Variants in ATP1B3 observed in about 807,000 individuals in gnomAD.
ATP1B3 encodes sodium/potassium-transporting ATPase subunit beta-3.
ATP1B3 carries 10 observed loss-of-function variants against 30.2 expected under a neutral mutation model. The ratio of observed to expected loss-of-function variants is 0.33; its 90% CI spans 0.20 to 0.56. The LOEUF is 0.56. Among genes scored for constraint, ATP1B3 ranks in the 20% least tolerant of loss-of-function variants. The pLI, the probability that ATP1B3 is intolerant of heterozygous loss-of-function variation, is 0.90. For missense variants in ATP1B3, 238 were observed against 336.7 expected, an observed-to-expected ratio of 0.71 and a Z score of 2.29; for synonymous variants, 113 against 117.0, an observed-to-expected ratio of 0.97 and a Z score of 0.22.
In ATP1B3 at chr3:141,889,196, C is replaced by G. The variant is rs965329217; in HGVS notation, c.109+12286C>G. Among the ~76,000 whole-genome samples the G allele has an allele frequency of 1.1e-4, 17 of 152,188 alleles. No homozygotes were observed. The East Asian group carries it at 3.1e-3, about 28-fold the overall frequency. ...ATGATTCAGTCACCTCCCACCAGGC[C>G]CCTCCCCCAGCATGTGGGGATTACA... On this transcript the variant is annotated intron_variant, in intron 1 of 6. Transcript: ENST00000286371.
chr3:141,918,206 A>G (rs1382009073), intron 5 of ATP1B3: 1 of 152,158 alleles, frequency 6.6e-6, no homozygotes, highest in African/African-American at 2.4e-5. Flanking sequence ...CTTGCTCACA[A>G]AGCTTTCTGG....
chr3:141,882,437 T>C (rs1262825204), intron 1 of ATP1B3, among the ~76,000 whole-genome samples: 1 of 152,202 alleles, frequency 6.6e-6, no homozygotes, highest in African/African-American at 2.4e-5. Flanking sequence ...TCTGCCTTTT[T>C]CCTAAATGTT....
intron 2 of ATP1B3, 93 bp downstream of exon 2, chr3:141,903,841 G>A (rs1274204006): frequency 6.9e-7 from 1 of 1,445,634 alleles, no homozygotes; most frequent in Non-Finnish European, 9.4e-7. Context: ...GAATGCAGTG[G>A]CATGATCTTG....
chr3:141,922,229 A>G, intron 6 of ATP1B3, 166 bp downstream of exon 6: 1 of 503,962 alleles, frequency 2.0e-6, no homozygotes, highest in Middle Eastern at 2.9e-4. Context: ...GAGTTCCCAC[A>G]TTTACAATTC....
At chr3:141,894,892 C>T in intron 1 of ATP1B3, among the ~76,000 whole-genome samples, 1 of 152,086 alleles carries the variant, frequency 6.6e-6, no homozygotes. Context: ...AAGTATTATG[C>T]ATTGTACACA....
Position 141,924,377 on chromosome 3 carries a change from G to A in ATP1B3, c.670-1154G>A, listed in dbSNP as rs189111820. Among the ~76,000 whole-genome samples the A allele has an allele frequency of 5.2e-3, 779 of 149,516 alleles. 9 individuals carry two copies. The highest frequency in any genetic ancestry group is 0.018 in the African/African-American group (748 of 40,758). On this transcript the variant is annotated intron_variant, in intron 6 of 6. Coordinates refer to ENST00000286371, the MANE Select transcript of ATP1B3 (RefSeq NM_001679.4). ...AAAAAGGCCAGGTGCAGTGGCTCACGCCTGTAATCCCAGCACTTTGGGAGG... is the reference window on the plus strand; with the variant it reads ...AAAAAGGCCAGGTGCAGTGGCTCACACCTGTAATCCCAGCACTTTGGGAGG...
At chr3:141,922,597 G>A (rs1934584271) in intron 6 of ATP1B3, among the ~76,000 whole-genome samples, 2 of 151,528 alleles carry the variant, frequency 1.3e-5, no homozygotes, top group African/African-American at 4.9e-5. Flanking sequence ...AGGTTGCAGT[G>A]AGCCAAGATT....
intron 5 of ATP1B3, chr3:141,916,334 T>C (rs1934463286): frequency 2.1e-6 from 1 of 475,894 alleles, no homozygotes; most frequent in African/African-American, 2.0e-5. Flanking sequence ...TAATTGATGG[T>C]GTCTTAATAC....
chr3:141,913,225 CAT>C (rs1319007971), intron 3 of ATP1B3, among the ~76,000 whole-genome samples: 7 of 150,776 alleles, frequency 4.6e-5, no homozygotes, highest in Non-Finnish European at 8.8e-5. Context: ...TGTAGGTTGT[CAT>C]AACACTACAT....
At chr3:141,892,456 T>A (rs1933972678) in intron 1 of ATP1B3, among the ~76,000 whole-genome samples, 1 of 152,130 alleles carries the variant, frequency 6.6e-6, no homozygotes, top group South Asian at 2.1e-4. Context: ...TTACCACTTT[T>A]AAATTATTCC....
chr3:141,900,087 C>T (rs766002590), intron 1 of ATP1B3, among the ~76,000 whole-genome samples: 31 of 151,984 alleles, frequency 2.0e-4, no homozygotes, highest in Non-Finnish European at 4.1e-4. Context: ...CACAGAGCTT[C>T]TAAAGACCCT....
At chr3:141,888,248 A>G (rs1301304158) in intron 1 of ATP1B3, among the ~76,000 whole-genome samples, 1 of 152,220 alleles carries the variant, frequency 6.6e-6, no homozygotes, top group Non-Finnish European at 1.5e-5. Context: ...GTTGGAGAAT[A>G]TGAATACATT....
chr3:141,884,083 AT>A (rs1460265190), intron 1 of ATP1B3, among the ~76,000 whole-genome samples: 1 of 152,114 alleles, frequency 6.6e-6, no homozygotes, highest in Non-Finnish European at 1.5e-5. Flanking sequence ...CTGCTCTCAA[AT>A]TTAATGGGAG....
At chr3:141,898,822 AAAC>A (rs1209291967) in intron 1 of ATP1B3, among the ~76,000 whole-genome samples, 2 of 152,248 alleles carry the variant, frequency 1.3e-5, no homozygotes, top group Admixed American at 1.3e-4. Flanking sequence ...CAAAAGATAT[AAAC>A]AACTCACATG....
At chr3:141,890,251 T>G (rs368711844) in intron 1 of ATP1B3, among the ~76,000 whole-genome samples, 1 of 147,298 alleles carries the variant, frequency 6.8e-6, no homozygotes, top group Non-Finnish European at 1.5e-5. Context: ...CCTGGCTAAT[T>G]TTTTGATTTT....
intron 4 of ATP1B3, among the ~76,000 whole-genome samples, chr3:141,914,345 G>A (rs1031386279): frequency 1.3e-5 from 2 of 152,120 alleles, no homozygotes; most frequent in Non-Finnish European, 2.9e-5. Context: ...CCATTCTAAC[G>A]AGTTCAGTGG....
At chr3:141,891,320 A>G (rs1157700910) in intron 1 of ATP1B3, among the ~76,000 whole-genome samples, 2 of 152,230 alleles carry the variant, frequency 1.3e-5, no homozygotes, top group East Asian at 1.9e-4. Flanking sequence ...TGCAAGCCTT[A>G]TAAAAACCAT....
rs551856249 is a variant in ATP1B3 at position 141,876,703 on chromosome 3, C to A, written c.-99C>A. ...TCTCGGCCGTCCCACCCTTCACTGC[C>A]GTCTCCGGGCTGCGCCGCCGGAGCC... On this transcript the variant is annotated 5_prime_UTR_variant, in exon 1 of 7. Transcript: ENST00000286371. The A allele has an allele frequency of 9.6e-6, 8 of 834,718 alleles. No individual in the cohort carries two copies. Among genetic ancestry groups the A allele is most frequent in the Non-Finnish European group, 1.3e-5 (7 of 527,064 alleles). 51.7% of individuals were successfully genotyped at this position (834,718 alleles called of 1,614,324 possible).
At chr3:141,916,098 C>CTTTT (rs929839673) in intron 5 of ATP1B3, 78 bp downstream of exon 5, 10 of 1,306,952 alleles carry the variant, frequency 7.7e-6, no homozygotes, top group African/African-American at 1.5e-5. Flanking sequence ...ATTTAGTCAT[C>CTTTT]TTTTTTTTCT....
Sources: gnomAD v4.1 joint callset for allele counts (sites outside exome capture counted in the v4.1 genomes callset) on GRCh38, gnomAD v4.1.1 for gene constraint, MANE v1.5 for transcripts, NCBI Gene and HGNC (gene_info 2026-07-23, HGNC 2026-07-21) for gene names.